LDB2: variants seen among roughly 807,000 people sequenced by gnomAD.
LDB2 encodes LIM domain binding 2.
In LDB2, 12 loss-of-function variants were observed where a neutral mutation model predicts 44.3. That is an observed-to-expected ratio of 0.27 (90% CI 0.17 to 0.44). LDB2 has a LOEUF of 0.44. Ranked by LOEUF, LDB2 falls within the 20% of genes least tolerant of loss-of-function variation. The pLI is 1.00. For missense variants in LDB2, 344 were observed against 473.5 expected, an observed-to-expected ratio of 0.73 and a Z score of 2.54; for synonymous variants, 164 against 174.8, an observed-to-expected ratio of 0.94 and a Z score of 0.49.
intron 2 of LDB2, among the ~76,000 whole-genome samples, chr4:16,742,565 C>G (rs1048898235): frequency 6.6e-6 from 1 of 152,122 alleles, no homozygotes; most frequent in Admixed American, 6.5e-5. Context: ...AGAAGAAAGA[C>G]TTTTTCAAGG....
chr4:16,593,373 A>G (rs1042390112), intron 3 of LDB2, among the ~76,000 whole-genome samples: 2 of 152,174 alleles, frequency 1.3e-5, no homozygotes, highest in African/African-American at 4.8e-5. Context: ...AACAGCCATG[A>G]TATTTTATTA....
intron 1 of LDB2, among the ~76,000 whole-genome samples, chr4:16,880,903 CAAAAAA>C (rs1004776367): frequency 1.7e-5 from 1 of 57,474 alleles, no homozygotes; most frequent in Non-Finnish European, 3.9e-5. Context: ...GACTCCATCT[CAAAAAA>C]AAAAAAAAAA....
chr4:16,517,739 C>T (rs1404197564), intron 5 of LDB2, among the ~76,000 whole-genome samples: 1 of 152,196 alleles, frequency 6.6e-6, no homozygotes, highest in East Asian at 1.9e-4. Flanking sequence ...GTTCCAAGGA[C>T]ACCTTTTTGC....
chr4:16,722,901 T>C (rs1180113086), intron 2 of LDB2, among the ~76,000 whole-genome samples: 5 of 152,296 alleles, frequency 3.3e-5, no homozygotes, highest in Non-Finnish European at 2.9e-5. Flanking sequence ...GACTTTACAA[T>C]GGTGTGAAAG....
intron 1 of LDB2, among the ~76,000 whole-genome samples, chr4:16,826,917 C>T (rs1364784502): frequency 3.3e-5 from 5 of 152,060 alleles, no homozygotes; most frequent in Non-Finnish European, 7.4e-5. Context: ...AACAACTCGG[C>T]GGGTAATTTG....
In LDB2 at chr4:16,502,271, A is replaced by G. The variant is rs190140814; in HGVS notation, c.*372T>C. ...TGTAGTTAGGTTCGGCATATTAATG[A>G]GATCCTGAGCACTGAGCATTTATGG... On this transcript the variant is annotated 3_prime_UTR_variant, in exon 8 of 8. Coordinates refer to ENST00000304523, the MANE Select transcript of LDB2 (RefSeq NM_001290.5). 130 of 185,146 alleles carry G rather than the reference A, an allele frequency of 7.0e-4. No homozygotes were observed. The highest frequency in any genetic ancestry group is 2.9e-3 in the African/African-American group (125 of 43,112). 11.5% of individuals were successfully genotyped at this position (185,146 alleles called of 1,614,324 possible). A position where few individuals can be genotyped will look rare whatever the true frequency, so the allele number is the denominator to read the frequency against.
At chr4:16,831,761 C>G (rs1421791155) in intron 1 of LDB2, among the ~76,000 whole-genome samples, 2 of 152,172 alleles carry the variant, frequency 1.3e-5, no homozygotes, top group Non-Finnish European at 1.5e-5. Context: ...AGACATGTCT[C>G]TCTGGAAACT....
chr4:16,541,021 G>A (rs186535319), intron 5 of LDB2, among the ~76,000 whole-genome samples: 35 of 152,276 alleles, frequency 2.3e-4, no homozygotes, highest in African/African-American at 7.7e-4. Context: ...ATGATTACCT[G>A]TTAAACTTTA....
chr4:16,752,491 C>G (rs578049682), intron 2 of LDB2: 1 of 443,108 alleles, frequency 2.3e-6, no homozygotes, highest in East Asian at 7.1e-5. Flanking sequence ...TGTTTTGGCT[C>G]TGCCCAAAAC....
At chr4:16,566,601 T>A (rs1235918157) in intron 5 of LDB2, among the ~76,000 whole-genome samples, 1 of 152,074 alleles carries the variant, frequency 6.6e-6, no homozygotes, top group Admixed American at 6.5e-5. Context: ...AATATATCAT[T>A]GTTAGCTCAG....
At chr4:16,611,924 C>T (rs1473882251) in intron 2 of LDB2, among the ~76,000 whole-genome samples, 1 of 152,160 alleles carries the variant, frequency 6.6e-6, no homozygotes, top group African/African-American at 2.4e-5. Context: ...CTTCTCAATA[C>T]CACATGGCAC....
chr4:16,872,356 G>A lies in LDB2; in HGVS notation c.132+25998C>T, dbSNP rs1000434674. ...ATCTTTATTTTTCTTCACCACAAAT[G>A]AATACCTGAACTTCAATCATTCATC... On this transcript the variant is annotated intron_variant, in intron 1 of 7. Coordinates refer to ENST00000304523, the MANE Select transcript of LDB2 (RefSeq NM_001290.5). Among the ~76,000 whole-genome samples, 3 of 151,506 alleles carry A rather than the reference G, an allele frequency of 2.0e-5. No homozygotes were observed. The East Asian group carries it at 5.8e-4, about 29-fold the overall frequency.
intron 2 of LDB2, among the ~76,000 whole-genome samples, chr4:16,672,351 C>G (rs1426996551): frequency 6.6e-6 from 1 of 152,122 alleles, no homozygotes; most frequent in Non-Finnish European, 1.5e-5. Context: ...TTCTCTTATG[C>G]CTAGGTTGCA....
intron 1 of LDB2, among the ~76,000 whole-genome samples, chr4:16,866,369 T>A (rs978994368): frequency 1.3e-5 from 2 of 152,184 alleles, no homozygotes; most frequent in Non-Finnish European, 2.9e-5. Flanking sequence ...AAATGCTACT[T>A]TATGTTACTT....
intron 1 of LDB2, among the ~76,000 whole-genome samples, chr4:16,846,147 G>T (rs911827858): frequency 6.6e-6 from 1 of 151,872 alleles, no homozygotes; most frequent in Non-Finnish European, 1.5e-5. Flanking sequence ...AAGTAGCAAG[G>T]CTGGATTATA....
intron 2 of LDB2, among the ~76,000 whole-genome samples, chr4:16,623,524 G>C (rs943240538): frequency 1.3e-5 from 2 of 152,144 alleles, no homozygotes; most frequent in South Asian, 4.1e-4. Flanking sequence ...TTGAGCCCGG[G>C]AGGCGGACGT....
At chr4:16,549,973 G>T (rs1416129151) in intron 5 of LDB2, among the ~76,000 whole-genome samples, 1 of 152,220 alleles carries the variant, frequency 6.6e-6, no homozygotes, top group Non-Finnish European at 1.5e-5. Flanking sequence ...ACCAGTGTTA[G>T]ATGTGTCCTT....
chr4:16,650,595 G>A (rs1300929282), intron 2 of LDB2, among the ~76,000 whole-genome samples: 1 of 152,142 alleles, frequency 6.6e-6, no homozygotes, highest in East Asian at 1.9e-4. Context: ...TTTAATAACT[G>A]TAAACACATT....
intron 1 of LDB2, among the ~76,000 whole-genome samples, chr4:16,784,282 G>T (rs1187552127): frequency 6.6e-6 from 1 of 152,112 alleles, no homozygotes; most frequent in East Asian, 1.9e-4. Flanking sequence ...CAAGCTCCTG[G>T]AAGTCCAAAG....
Sources: allele counts gnomAD v4.1 joint callset (sites outside exome capture counted in the v4.1 genomes callset), GRCh38; gene constraint gnomAD v4.1.1; transcripts MANE v1.5; gene names NCBI Gene and HGNC (gene_info 2026-07-23, HGNC 2026-07-21).